Variants in OPCML observed in about 807,000 individuals in gnomAD.
OPCML encodes the protein opioid binding protein/cell adhesion molecule like, also known as opioid-binding protein/cell adhesion molecule.
OPCML carries 13 observed loss-of-function variants against 37.8 expected under a neutral mutation model. The observed-to-expected ratio is 0.34, with a 90% confidence interval of 0.22 to 0.55. The LOEUF is 0.55. Among genes scored for constraint, OPCML ranks in the 20% least tolerant of loss-of-function variants. The probability of loss-of-function intolerance (pLI) is 0.91; values close to 1 mark genes in which losing one functional copy is unlikely to be tolerated. For synonymous variants in OPCML, 176 were observed against 168.8 expected, an observed-to-expected ratio of 1.04 and a Z score of -0.33; for missense variants, 341 against 435.6, an observed-to-expected ratio of 0.78 and a Z score of 1.93.
rs1355020546 is a variant in OPCML, at chr11:133,177,387, A to G, written c.62-234377T>C. ...TGGCAGAACCCTGAGGAAATCAGTAATCTTGAACCACTAATGCTAATTTAT... is the reference window on the plus strand; with the variant it reads ...TGGCAGAACCCTGAGGAAATCAGTAGTCTTGAACCACTAATGCTAATTTAT... On this transcript the variant is annotated intron_variant, in intron 1 of 7. Coordinates refer to ENST00000524381, the MANE Select transcript of OPCML (RefSeq NM_001012393.5). The surrounding 1 kb of genome is among the most constrained non-coding windows in gnomAD (Gnocchi z 5.0). Among the ~76,000 whole-genome samples the G allele has an allele frequency of 3.9e-5, 6 of 152,204 alleles. No individual in the cohort carries two copies. In the South Asian group the frequency reaches 8.3e-4, roughly 21 times the overall value.
intron 2 of OPCML, among the ~76,000 whole-genome samples, chr11:132,828,769 G>A (rs1940516030): frequency 6.6e-6 from 1 of 152,140 alleles, no homozygotes; most frequent in African/African-American, 2.4e-5. Flanking sequence ...AAGTTGTCTA[G>A]AAGATCTATG....
intron 2 of OPCML, among the ~76,000 whole-genome samples, chr11:132,929,072 C>A (rs1945098078): frequency 6.7e-6 from 1 of 149,194 alleles, no homozygotes; most frequent in Non-Finnish European, 1.5e-5. Context: ...AAACTAAACA[C>A]AAAACTAGCA....
intron 1 of OPCML, among the ~76,000 whole-genome samples, chr11:133,515,273 T>C (rs1948241288): frequency 6.6e-6 from 1 of 152,190 alleles, no homozygotes; most frequent in East Asian, 1.9e-4. Context: ...GCTAGGATAC[T>C]GCACTGACCA....
At chr11:132,711,379 T>C (rs2135949426) in intron 2 of OPCML, among the ~76,000 whole-genome samples, 1 of 152,324 alleles carries the variant, frequency 6.6e-6, no homozygotes, top group East Asian at 1.9e-4. Flanking sequence ...AAAGAACAGA[T>C]AGAACTGTCC....
intron 1 of OPCML, among the ~76,000 whole-genome samples, chr11:133,264,556 C>A (rs914131835): frequency 6.6e-6 from 1 of 152,098 alleles, no homozygotes; most frequent in African/African-American, 2.4e-5. Context: ...CAGTCCTATG[C>A]GGTGAATGCA....
Position 132,501,739 on chromosome 11 carries a change from C to T in OPCML, c.505+27322G>A, listed in dbSNP as rs536222094. ...AACATAGAATTTTTTAAATAGGTAA[C>T]GTGTTTCATGAACCAAATAAGCAAA... On this transcript the variant is annotated intron_variant, in intron 4 of 7. Transcript: ENST00000524381. 5.3e-5 allele frequency among the ~76,000 whole-genome samples: 8 copies of T among 152,264 alleles called. No individual in the cohort carries two copies. In the East Asian group the frequency reaches 1.2e-3, roughly 22 times the overall value.
chr11:132,849,197 A>G, intron 2 of OPCML, among the ~76,000 whole-genome samples: 1 of 152,198 alleles, frequency 6.6e-6, no homozygotes, highest in East Asian at 1.9e-4. Context: ...TCTCCATTTT[A>G]TGGACAAGGA....
intron 1 of OPCML, among the ~76,000 whole-genome samples, chr11:133,518,874 C>T (rs560569974): frequency 5.3e-5 from 8 of 151,828 alleles, no homozygotes; most frequent in Admixed American, 1.3e-4. Context: ...GCCCTGTGCC[C>T]GCCCCCTAGG....
intron 2 of OPCML, among the ~76,000 whole-genome samples, chr11:132,731,966 G>A (rs1939502): frequency 0.62 from 93,962 of 151,932 alleles, 29,462 homozygotes; most frequent in Admixed American, 0.66. Flanking sequence ...TATACCATAC[G>A]TACTAAGAGA....
intron 1 of OPCML, among the ~76,000 whole-genome samples, chr11:133,394,268 T>C (rs1049789479): frequency 5.3e-5 from 8 of 152,202 alleles, no homozygotes; most frequent in African/African-American, 1.9e-4. Flanking sequence ...TTTTTTAATT[T>C]TTAATTTTTA....
chr11:132,679,761 T>A (rs1197621065), intron 2 of OPCML, among the ~76,000 whole-genome samples: 1 of 152,210 alleles, frequency 6.6e-6, no homozygotes, highest in Non-Finnish European at 1.5e-5. Context: ...GTAAATTATA[T>A]CACAATAAAA....
chr11:133,284,738 G>C (rs1451695354), intron 1 of OPCML, among the ~76,000 whole-genome samples: 1 of 152,050 alleles, frequency 6.6e-6, no homozygotes, highest in Non-Finnish European at 1.5e-5. Context: ...TGTAAGTCTC[G>C]GTTTTTAGCA....
At chr11:133,053,825 A>G (rs2136971273) in intron 1 of OPCML, among the ~76,000 whole-genome samples, 1 of 152,058 alleles carries the variant, frequency 6.6e-6, no homozygotes, top group East Asian at 1.9e-4. Flanking sequence ...ACACACCTCT[A>G]TTCCCAATCC....
intron 1 of OPCML, among the ~76,000 whole-genome samples, chr11:133,290,744 C>T (rs1167422850): frequency 6.6e-6 from 1 of 152,230 alleles, no homozygotes. Flanking sequence ...CCTGGCTTCC[C>T]AGAACTATTT....
At chr11:132,714,951 G>A (rs898378685) in intron 2 of OPCML, among the ~76,000 whole-genome samples, 4 of 152,158 alleles carry the variant, frequency 2.6e-5, no homozygotes, top group African/African-American at 9.7e-5. Context: ...GGAAGGGAGG[G>A]CTCCAGGGAG....
intron 3 of OPCML, among the ~76,000 whole-genome samples, chr11:132,578,382 A>G (rs1253634409): frequency 6.6e-6 from 1 of 152,258 alleles, no homozygotes; most frequent in Non-Finnish European, 1.5e-5. Flanking sequence ...AAATTCTGCT[A>G]CAGATGAAGT....
chr11:132,565,766 C>T (rs1012515514), intron 3 of OPCML, among the ~76,000 whole-genome samples: 6 of 152,242 alleles, frequency 3.9e-5, no homozygotes, highest in Non-Finnish European at 8.8e-5. Flanking sequence ...GGCACGGTGG[C>T]TCAAGCCTGT....
At chr11:133,473,166 T>C (rs1206074777) in intron 1 of OPCML, among the ~76,000 whole-genome samples, 2 of 151,884 alleles carry the variant, frequency 1.3e-5, no homozygotes. Flanking sequence ...GAACTTGACT[T>C]TGACCTCCCC....
chr11:133,216,515 T>C (rs540954728), intron 1 of OPCML, among the ~76,000 whole-genome samples: 161 of 152,352 alleles, frequency 1.1e-3, no homozygotes, highest in African/African-American at 3.7e-3. Flanking sequence ...ACAGAGGTGC[T>C]AGTTACATAA....
Sources: allele counts gnomAD v4.1 joint callset (sites outside exome capture counted in the v4.1 genomes callset), GRCh38; gene constraint gnomAD v4.1.1; non-coding constraint Gnocchi (gnomAD v3.1); transcripts MANE v1.5; gene names NCBI Gene and HGNC (gene_info 2026-07-23, HGNC 2026-07-21).